Variants in PHF5A observed in about 807,000 individuals in gnomAD.
PHF5A encodes PHD finger-like domain-containing protein 5A.
For missense variants in PHF5A, 24 were observed against 140.6 expected (o/e 0.17, Z 4.19); for synonymous variants, 52 against 46.0 (o/e 1.13, Z -0.52).
At position 41,459,837 on chromosome 22, in the gene PHF5A, T is replaced by A. The variant is rs902963427; in HGVS notation, c.*561A>T. 1.3e-5 allele frequency: 2 copies of A among 151,128 alleles called. No individual in the cohort carries two copies. Among genetic ancestry groups the A allele is most frequent in the Non-Finnish European group, 2.9e-5 (2 of 67,878 alleles). 9.4% of individuals were successfully genotyped at this position (151,128 alleles called of 1,614,324 possible). ...ATGATGCCTGTGAATAGCCAGCTAC[T>A]GTACCCCACTGTAGCTGGACAAGTG... On this transcript the variant is annotated 3_prime_UTR_variant, in exon 4 of 4. Coordinates refer to ENST00000216252, the MANE Select transcript of PHF5A (RefSeq NM_032758.4).
intron 3 of PHF5A, among the ~76,000 whole-genome samples, chr22:41,463,329 G>A (rs555375873): frequency 1.3e-5 from 2 of 151,958 alleles, no homozygotes; most frequent in South Asian, 4.2e-4. Context: ...GGTGGCTCAC[G>A]CCTGTAATCC....
At chr22:41,464,318 T>C (rs1181916221) in intron 3 of PHF5A, among the ~76,000 whole-genome samples, 4 of 152,194 alleles carry the variant, frequency 2.6e-5, no homozygotes, top group African/African-American at 2.4e-5. Context: ...TTATCAATTA[T>C]GAAAGTTGCA....
intron 3 of PHF5A, among the ~76,000 whole-genome samples, chr22:41,465,597 T>C (rs990933595): frequency 1.3e-5 from 2 of 151,818 alleles, no homozygotes; most frequent in African/African-American, 4.8e-5. Context: ...AAGGACAACA[T>C]AAGGCCAGGC....
At chr22:41,460,594 T>A in intron 3 of PHF5A, 107 bp from the exon 4 acceptor site, 1 of 756,246 alleles carries the variant, frequency 1.3e-6, no homozygotes, top group Non-Finnish European at 2.1e-6. Flanking sequence ...TAGTCCCAGC[T>A]ACTACTCGAA....
intron 3 of PHF5A, among the ~76,000 whole-genome samples, chr22:41,465,161 A>G (rs1007174891): frequency 1.3e-5 from 2 of 151,968 alleles, no homozygotes; most frequent in Non-Finnish European, 2.9e-5. Context: ...ACAACAGAAG[A>G]TTCAATGGTG....
chr22:41,461,664 T>C (rs1436014441), intron 3 of PHF5A, among the ~76,000 whole-genome samples: 1 of 151,380 alleles, frequency 6.6e-6, no homozygotes, highest in Admixed American at 6.6e-5. Flanking sequence ...GGCCATACCT[T>C]ATATTTTATT....
chr22:41,460,255 G>A lies in PHF5A; in HGVS notation c.*143C>T, dbSNP rs1393056346. 3 of 610,488 alleles carry A rather than the reference G, an allele frequency of 4.9e-6. No individual in the cohort carries two copies. The highest frequency in any genetic ancestry group is 8.7e-6 in the Non-Finnish European group (3 of 345,562). The allele number at this position is 610,488 out of a possible 1,614,324, so 37.8% of individuals were successfully genotyped here. A position where few individuals can be genotyped will look rare whatever the true frequency, so the allele number is the denominator to read the frequency against. On this transcript the variant is annotated 3_prime_UTR_variant, in exon 4 of 4. Transcript: ENST00000216252. ...ACCACGTGTCTGGGTGAAGGGAGAG[G>A]AGGGGGTGGCAAGCTGCCAGTACAC...
At chr22:41,462,023 T>C (rs1161834690) in intron 3 of PHF5A, among the ~76,000 whole-genome samples, 1 of 152,172 alleles carries the variant, frequency 6.6e-6, no homozygotes, top group African/African-American at 2.4e-5. Context: ...TTCACTTAAT[T>C]TGACACATGG....
chr22:41,466,035 G>C (rs1221873932), intron 3 of PHF5A, among the ~76,000 whole-genome samples: 1 of 152,194 alleles, frequency 6.6e-6, no homozygotes, highest in Non-Finnish European at 1.5e-5. Flanking sequence ...GAGGAACAAG[G>C]TGTGATAACA....
At chr22:41,467,412 A>C in intron 3 of PHF5A, 36 bp downstream of exon 3, 2 of 1,605,024 alleles carry the variant, frequency 1.2e-6, no homozygotes, top group Non-Finnish European at 1.7e-6. Flanking sequence ...TACTAAACAA[A>C]AGGAGGAAAG....
At chr22:41,467,955 G>T in intron 2 of PHF5A, 169 bp downstream of exon 2, 2 of 675,998 alleles carry the variant, frequency 3.0e-6, no homozygotes, top group Non-Finnish European at 2.6e-6. Flanking sequence ...AGCGTTAAAT[G>T]TGCAAGCGGC....
At chr22:41,461,228 A>G (rs1303362195) in intron 3 of PHF5A, among the ~76,000 whole-genome samples, 1 of 152,168 alleles carries the variant, frequency 6.6e-6, no homozygotes, top group Non-Finnish European at 1.5e-5. Context: ...TTAGCCATTT[A>G]TCTTACCAAT....
In PHF5A at chr22:41,464,766, C is replaced by T. The variant is rs555386988; in HGVS notation, c.243+2682G>A. On this transcript the variant is annotated intron_variant, in intron 3 of 3. Transcript: ENST00000216252. Reference sequence around the variant, plus strand: ...AGATATCCTGTATCTAGTTTAGGAACTGTTTGTTACTTTTCTTCACTGCTG... The same window carrying T: ...AGATATCCTGTATCTAGTTTAGGAATTGTTTGTTACTTTTCTTCACTGCTG... Among the ~76,000 whole-genome samples, 9 of 152,314 alleles carry T rather than the reference C, an allele frequency of 5.9e-5. No individual in the cohort carries two copies. In the South Asian group the frequency reaches 1.9e-3, roughly 32 times the overall value.
intron 2 of PHF5A, 86 bp downstream of exon 2, chr22:41,468,038 A>G: frequency 1.4e-6 from 2 of 1,456,260 alleles, no homozygotes; most frequent in Admixed American, 3.4e-5. Context: ...ACATCTACTC[A>G]AAGCCCTCTT....
At chr22:41,462,110 T>C (rs770293568) in intron 3 of PHF5A, among the ~76,000 whole-genome samples, 6 of 152,226 alleles carry the variant, frequency 3.9e-5, no homozygotes, top group Non-Finnish European at 8.8e-5. Context: ...CATGACAGGC[T>C]GCCCTGGCCA....
In PHF5A at chr22:41,468,669, C is replaced by G. The variant is rs1457824153; in HGVS notation, c.-16G>C. 6.2e-7 allele frequency: 1 copy of G among 1,614,018 alleles called. No homozygotes were observed. The highest frequency in any genetic ancestry group is 2.2e-5 in the East Asian group (1 of 44,862). ...GTTTAGCCATAGCTCCTAACTAAGC[C>G]GGCCACCGGAAGCTTCGGGAACTTC... On this transcript the variant is annotated 5_prime_UTR_variant, in exon 1 of 4. Transcript: ENST00000216252.
Position 41,467,439 on chromosome 22 carries a change from T to C in PHF5A, c.243+9A>G. ...GGAGGAAAGGTCAGATGGAAAGCTG[T>C]ACACTTACGTCCTTCTCCTGGATGG... On this transcript the variant is annotated intron_variant, in intron 3 of 3. Transcript: ENST00000216252. 1 of 1,613,404 alleles carries C rather than the reference T, an allele frequency of 6.2e-7. No individual in the cohort carries two copies. Among genetic ancestry groups the C allele is most frequent in the Non-Finnish European group, 8.5e-7 (1 of 1,179,862 alleles).
chr22:41,462,054 A>C (rs914577176), intron 3 of PHF5A, among the ~76,000 whole-genome samples: 1 of 152,214 alleles, frequency 6.6e-6, no homozygotes, highest in African/African-American at 2.4e-5. Flanking sequence ...ACAGAGCACT[A>C]CTGGCTAGAG....
At chr22:41,463,624 C>T (rs1394005847) in intron 3 of PHF5A, among the ~76,000 whole-genome samples, 1 of 146,298 alleles carries the variant, frequency 6.8e-6, no homozygotes. Flanking sequence ...ACTCAGGGGG[C>T]TGAGACGGAA....
Sources: gnomAD v4.1 joint callset for allele counts (sites outside exome capture counted in the v4.1 genomes callset) on GRCh38, gnomAD v4.1.1 for gene constraint, MANE v1.5 for transcripts, NCBI Gene and HGNC (gene_info 2026-07-23, HGNC 2026-07-21) for gene names.